The following ANK3 variants were observed in gnomAD, a reference collection of about 807,000 sequenced individuals.
The protein encoded by ANK3 is ankyrin 3, also known as ankyrin-3.
A neutral mutation model predicts 370.9 loss-of-function variants in ANK3; 57 were observed. The observed-to-expected ratio is 0.15, with a 90% confidence interval of 0.12 to 0.19. The LOEUF is 0.19. ANK3 is among the 10% of genes least tolerant of loss of function. The probability of loss-of-function intolerance (pLI) is 1.00; values close to 1 mark genes in which losing one functional copy is unlikely to be tolerated. For missense variants in ANK3, 4,439 were observed against 5,302.1 expected, an observed-to-expected ratio of 0.84 and a Z score of 5.06; for synonymous variants, 1,929 against 1,946.3, an observed-to-expected ratio of 0.99 and a Z score of 0.23.
At chr10:60,352,669 C>T (rs2057069527) in intron 1 of ANK3, among the ~76,000 whole-genome samples, 1 of 152,148 alleles carries the variant, frequency 6.6e-6, no homozygotes, top group African/African-American at 2.4e-5. Context: ...TTCAACTCTT[C>T]CAACACATGT....
intron 2 of ANK3, among the ~76,000 whole-genome samples, chr10:60,506,776 A>C (rs2075951421): frequency 6.6e-6 from 1 of 152,120 alleles, no homozygotes; most frequent in Non-Finnish European, 1.5e-5. Context: ...AGGTAAACTA[A>C]AAATTTCACA....
intron 26 of ANK3, among the ~76,000 whole-genome samples, chr10:60,110,696 T>C (rs1334776302): frequency 6.6e-6 from 1 of 152,176 alleles, no homozygotes; most frequent in Non-Finnish European, 1.5e-5. Flanking sequence ...TTTTATTCAA[T>C]AATGAAGGCA....
intron 7 of ANK3, among the ~76,000 whole-genome samples, chr10:60,236,614 C>T (rs779147584): frequency 6.6e-6 from 1 of 152,118 alleles, no homozygotes; most frequent in Non-Finnish European, 1.5e-5. Flanking sequence ...TAGTTAAATG[C>T]TTTTAATGGT....
At chr10:60,561,563 C>A (rs2077335175) in intron 2 of ANK3, among the ~76,000 whole-genome samples, 1 of 152,208 alleles carries the variant, frequency 6.6e-6, no homozygotes, top group Non-Finnish European at 1.5e-5. Flanking sequence ...CCAGCTAACA[C>A]CCTAAAATAT....
At chr10:60,720,311 T>A (rs1002926550) in intron 1 of ANK3, among the ~76,000 whole-genome samples, 2 of 152,146 alleles carry the variant, frequency 1.3e-5, no homozygotes, top group Non-Finnish European at 2.9e-5. Context: ...AACAACCCTA[T>A]GAGATATGCA....
At chr10:60,578,772 T>C (rs1295152118) in intron 2 of ANK3, among the ~76,000 whole-genome samples, 1 of 152,144 alleles carries the variant, frequency 6.6e-6, no homozygotes, top group Admixed American at 6.5e-5. Context: ...CATAGAACTA[T>C]CAAGACCCTT....
chr10:60,439,227 A>G (rs2064232413), intron 2 of ANK3, among the ~76,000 whole-genome samples: 1 of 152,136 alleles, frequency 6.6e-6, no homozygotes, highest in Non-Finnish European at 1.5e-5. Context: ...GCTCCACTGT[A>G]AAAATGACTC....
intron 1 of ANK3, among the ~76,000 whole-genome samples, chr10:60,656,796 C>T (rs540232899): frequency 9.9e-5 from 15 of 151,710 alleles, no homozygotes; most frequent in East Asian, 7.8e-4. Context: ...CCTCTCATGT[C>T]GCCTTGACTG....
intron 1 of ANK3, among the ~76,000 whole-genome samples, chr10:60,326,797 G>A (rs1291130887): frequency 6.6e-6 from 1 of 152,190 alleles, no homozygotes; most frequent in Non-Finnish European, 1.5e-5. Flanking sequence ...CGAGGCGGGC[G>A]GATCACGAGG....
intron 1 of ANK3, among the ~76,000 whole-genome samples, chr10:60,306,318 A>T (rs184470118): frequency 2.0e-4 from 30 of 152,070 alleles, no homozygotes; most frequent in Admixed American, 1.6e-3. Flanking sequence ...TTGGTTTTCC[A>T]TTCTTGAGTT....
intron 28 of ANK3, among the ~76,000 whole-genome samples, chr10:60,104,400 A>G (rs1482153557): frequency 1.6e-5 from 2 of 123,848 alleles, no homozygotes; most frequent in Admixed American, 1.6e-4. Context: ...AAAGAAACAA[A>G]GAAAGAAAGA....
chr10:60,498,619 G>A (rs921007380), intron 2 of ANK3, among the ~76,000 whole-genome samples: 11 of 152,140 alleles, frequency 7.2e-5, no homozygotes, highest in Non-Finnish European at 1.2e-4. Flanking sequence ...TCAAACTCCT[G>A]GCCTCAAGTG....
At chr10:60,320,033 C>T (rs2048296701) in intron 1 of ANK3, among the ~76,000 whole-genome samples, 1 of 152,196 alleles carries the variant, frequency 6.6e-6, no homozygotes, top group Non-Finnish European at 1.5e-5. Flanking sequence ...CTAGGCTGTC[C>T]TTCCTTGAAT....
intron 2 of ANK3, among the ~76,000 whole-genome samples, chr10:60,608,865 A>G (rs1050631923): frequency 6.6e-6 from 1 of 152,202 alleles, no homozygotes; most frequent in African/African-American, 2.4e-5. Context: ...AGATGGGCAT[A>G]GGAAGAAACC....
intron 1 of ANK3, among the ~76,000 whole-genome samples, chr10:60,681,060 C>T (rs1301831803): frequency 6.6e-6 from 1 of 152,168 alleles, no homozygotes; most frequent in Admixed American, 6.6e-5. Context: ...AAAACCTGAA[C>T]ATTATGTTCA....
chr10:60,092,221 C>T (rs1196997139), intron 28 of ANK3, among the ~76,000 whole-genome samples: 1 of 152,054 alleles, frequency 6.6e-6, no homozygotes, highest in Non-Finnish European at 1.5e-5. Flanking sequence ...AATTCCCAAA[C>T]TTTGGGGGAT....
At chr10:60,492,848 A>G (rs112170608) in intron 2 of ANK3, among the ~76,000 whole-genome samples, 19,271 of 150,628 alleles carry the variant, frequency 0.13, 1,435 homozygotes, top group African/African-American at 0.21. Context: ...AGGCCGAGAC[A>G]GGCAGATCAT....
intron 2 of ANK3, among the ~76,000 whole-genome samples, chr10:60,516,093 G>A (rs2076211512): frequency 6.6e-6 from 1 of 152,022 alleles, no homozygotes; most frequent in African/African-American, 2.4e-5. Context: ...ATAGGGGATA[G>A]AATAATGGAG....
At chr10:60,616,209 T>C (rs748394482) in intron 1 of ANK3, among the ~76,000 whole-genome samples, 1 of 152,184 alleles carries the variant, frequency 6.6e-6, no homozygotes, top group Non-Finnish European at 1.5e-5. Context: ...GAAATTAACA[T>C]TTCTAAAACC....
Sources: allele counts gnomAD v4.1 joint callset (sites outside exome capture counted in the v4.1 genomes callset), GRCh38; gene constraint gnomAD v4.1.1; transcripts MANE v1.5; gene names NCBI Gene and HGNC (gene_info 2026-07-23, HGNC 2026-07-21).